Variants in CSTPP1 observed in about 807,000 individuals in gnomAD.
CSTPP1 encodes UPF0705 protein C11orf49.
chr11:47,031,223 C>T, the CSTPP1 span, among the ~76,000 whole-genome samples: 1 of 152,218 alleles, frequency 6.6e-6, no homozygotes, highest in Admixed American at 6.5e-5. Flanking sequence ...AAAATAGATA[C>T]CACTTAATAG....
At chr11:46,940,011 C>T in the CSTPP1 span, among the ~76,000 whole-genome samples, 1 of 152,128 alleles carries the variant, frequency 6.6e-6, no homozygotes, top group Non-Finnish European at 1.5e-5. Context: ...GCTGGAACTG[C>T]AGGCACGAGC....
the CSTPP1 span, among the ~76,000 whole-genome samples, chr11:47,008,515 G>GT: frequency 6.6e-6 from 1 of 151,700 alleles, no homozygotes; most frequent in Admixed American, 6.6e-5. Context: ...TTATTTTAAA[G>GT]TTTTTTGTAA....
At chr11:46,954,852 T>C in the CSTPP1 span, among the ~76,000 whole-genome samples, 6 of 151,706 alleles carry the variant, frequency 4.0e-5, no homozygotes, top group Non-Finnish European at 2.9e-5. Flanking sequence ...CATTGTATTT[T>C]CCCAGGGAAA....
At chr11:47,115,767 G>A in the CSTPP1 span, among the ~76,000 whole-genome samples, 1 of 150,638 alleles carries the variant, frequency 6.6e-6, no homozygotes, top group Non-Finnish European at 1.5e-5. Context: ...AAAAAAACCA[G>A]CTCCTGGATT....
At chr11:46,975,288 A>G in the CSTPP1 span, among the ~76,000 whole-genome samples, 2 of 152,226 alleles carry the variant, frequency 1.3e-5, no homozygotes, top group Admixed American at 1.3e-4. Flanking sequence ...AAAAAATTTT[A>G]AAAGTTAGAA....
chr11:46,976,079 G>T, the CSTPP1 span, among the ~76,000 whole-genome samples: 1 of 152,138 alleles, frequency 6.6e-6, no homozygotes, highest in Non-Finnish European at 1.5e-5. Context: ...AAAGAAAATG[G>T]ACTATGTGCT....
chr11:47,000,717 A>C, the CSTPP1 span, among the ~76,000 whole-genome samples: 1 of 152,190 alleles, frequency 6.6e-6, no homozygotes, highest in Non-Finnish European at 1.5e-5. Flanking sequence ...AGCAGTGAGC[A>C]AGACAAATAA....
the CSTPP1 span, among the ~76,000 whole-genome samples, chr11:47,069,897 A>G: frequency 5.3e-5 from 8 of 152,164 alleles, no homozygotes; most frequent in African/African-American, 9.7e-5. Flanking sequence ...TGTTTTTAGT[A>G]GAGACGGGGG....
chr11:46,999,934 T>C, the CSTPP1 span, among the ~76,000 whole-genome samples: 1 of 152,232 alleles, frequency 6.6e-6, no homozygotes, highest in Admixed American at 6.5e-5. Flanking sequence ...CCAGCAAATC[T>C]GGATAAACTG....
At chr11:47,116,897 G>A in the CSTPP1 span, among the ~76,000 whole-genome samples, 1 of 152,004 alleles carries the variant, frequency 6.6e-6, no homozygotes, top group Non-Finnish European at 1.5e-5. Context: ...TAGCTAGGAT[G>A]GCCTCGATCT....
At chr11:47,086,234 C>CAAAAAAAAAAAAAAAAAAAAAA in the CSTPP1 span, among the ~76,000 whole-genome samples, 2 of 89,406 alleles carry the variant, frequency 2.2e-5, 1 homozygote, top group African/African-American at 9.3e-5. Context: ...ACTAAAAATC[C>CAAAAAAAAAAAAAAAAAAAAAA]AAAAAAAAAA....
the CSTPP1 span, among the ~76,000 whole-genome samples, chr11:47,122,919 A>G: frequency 6.6e-6 from 1 of 152,172 alleles, no homozygotes; most frequent in Non-Finnish European, 1.5e-5. Context: ...GAAAGCACAT[A>G]TCATCCACGG....
chr11:46,943,998 G>C, the CSTPP1 span, among the ~76,000 whole-genome samples: 2 of 152,136 alleles, frequency 1.3e-5, no homozygotes, highest in African/African-American at 4.8e-5. Context: ...TCCAGCCTGG[G>C]TGACAAAGTG....
chr11:46,998,812 C>A, the CSTPP1 span, among the ~76,000 whole-genome samples: 6 of 151,960 alleles, frequency 3.9e-5, no homozygotes, highest in Non-Finnish European at 8.8e-5. Context: ...CTCGGCTCAC[C>A]GCAAGCTCCG....
the CSTPP1 span, among the ~76,000 whole-genome samples, chr11:46,983,578 G>A: frequency 1.3e-5 from 2 of 152,132 alleles, no homozygotes; most frequent in Non-Finnish European, 2.9e-5. Flanking sequence ...TTGCCCTCCA[G>A]GGATGCAGGT....
At chr11:47,090,775 C>T in the CSTPP1 span, among the ~76,000 whole-genome samples, 1 of 152,192 alleles carries the variant, frequency 6.6e-6, no homozygotes, top group Non-Finnish European at 1.5e-5. Flanking sequence ...CACGGAGGCT[C>T]ACGCCTGTAA....
chr11:46,936,724 G>A, the CSTPP1 span: 1 of 1,579,536 alleles, frequency 6.3e-7, no homozygotes, highest in Non-Finnish European at 8.6e-7. Context: ...CCGCCGCGTG[G>A]GTGCCATGGC....
the CSTPP1 span, among the ~76,000 whole-genome samples, chr11:47,074,607 A>T: frequency 6.6e-6 from 1 of 152,178 alleles, no homozygotes. Context: ...TTTTCAAACA[A>T]TGGAATCAGA....
chr11:47,029,937 G>GAA, the CSTPP1 span, among the ~76,000 whole-genome samples: 4 of 125,588 alleles, frequency 3.2e-5, no homozygotes, highest in Admixed American at 8.2e-5. Context: ...GTCTCTACTG[G>GAA]AAAAAAAAAA....
Sources: gnomAD v4.1 joint callset for allele counts (sites outside exome capture counted in the v4.1 genomes callset) on GRCh38, gnomAD v4.1.1 for gene constraint, MANE v1.5 for transcripts, NCBI Gene and HGNC (gene_info 2026-07-23, HGNC 2026-07-21) for gene names.